The following ZFP64 variants were observed in gnomAD, a reference collection of about 807,000 sequenced individuals.
ZFP64 encodes the protein zinc finger protein 64.
A neutral mutation model predicts 51.6 loss-of-function variants in ZFP64; 14 were observed. That is an observed-to-expected ratio of 0.27 (90% CI 0.18 to 0.42). ZFP64 has a LOEUF of 0.42. Ranked by LOEUF, ZFP64 falls within the 10% of genes least tolerant of loss-of-function variation. The pLI, the probability that ZFP64 is intolerant of heterozygous loss-of-function variation, is 1.00. For missense variants in ZFP64, 754 were observed against 906.8 expected (o/e 0.83, Z 2.16); for synonymous variants, 375 against 361.4 (o/e 1.04, Z -0.43).
At chr20:52,175,845 C>T (rs6013411) in intron 2 of ZFP64, 2,805 of 159,464 alleles carry the variant, frequency 0.018, 88 homozygotes, top group African/African-American at 0.064. Flanking sequence ...CGTTCCCTTC[C>T]CCCCGCACCC....
At chr20:52,182,883 G>A (rs1175382888) in intron 2 of ZFP64, among the ~76,000 whole-genome samples, 1 of 152,112 alleles carries the variant, frequency 6.6e-6, no homozygotes, top group African/African-American at 2.4e-5. Flanking sequence ...AACAGGAGAG[G>A]GGCTTACAGG....
At chr20:52,117,499 A>G (rs1978938067) in intron 5 of ZFP64, among the ~76,000 whole-genome samples, 1 of 152,016 alleles carries the variant, frequency 6.6e-6, no homozygotes, top group Admixed American at 6.6e-5. Flanking sequence ...GGCACCTGTA[A>G]TCCCAGCTAC....
chr20:52,108,476 C>T (rs1600714750), intron 5 of ZFP64, among the ~76,000 whole-genome samples: 1 of 151,402 alleles, frequency 6.6e-6, no homozygotes, highest in South Asian at 2.1e-4. Flanking sequence ...AACATCCAAT[C>T]AGAGTTCTAG....
chr20:52,091,288 G>A (rs570811651), intron 7 of ZFP64, among the ~76,000 whole-genome samples: 10 of 144,132 alleles, frequency 6.9e-5, no homozygotes, highest in African/African-American at 1.8e-4. Flanking sequence ...GCTTGAGGCC[G>A]GAAGGTTGAG....
intron 5 of ZFP64, among the ~76,000 whole-genome samples, chr20:52,129,584 G>T (rs996919886): frequency 3.9e-5 from 6 of 151,944 alleles, no homozygotes; most frequent in African/African-American, 1.2e-4. Context: ...TCACTCCTCC[G>T]TTCTTTGTCT....
chr20:52,134,203 T>TA (rs5841879), intron 5 of ZFP64, among the ~76,000 whole-genome samples: 127 of 151,912 alleles, frequency 8.4e-4, no homozygotes, highest in East Asian at 1.5e-3. Context: ...TTACATTTTT[T>TA]AAAAAAAATA....
chr20:52,087,057 T>TACCC (rs2078872577), intron 8 of ZFP64, among the ~76,000 whole-genome samples: 1 of 152,178 alleles, frequency 6.6e-6, no homozygotes, highest in Non-Finnish European at 1.5e-5. Context: ...TGGCTGGGTA[T>TACCC]AGAATTCTAA....
chr20:52,086,359 C>T (rs1462552565), intron 8 of ZFP64, among the ~76,000 whole-genome samples: 1 of 152,058 alleles, frequency 6.6e-6, no homozygotes, highest in African/African-American at 2.4e-5. Flanking sequence ...TCTTTTCTTA[C>T]GTGTTGCTCA....
rs2078851502 is a variant in ZFP64, at chr20:52,085,178, C to T, written c.1317G>A (p.Glu439=). 3.1e-6 allele frequency: 5 copies of T among 1,614,126 alleles called. No homozygotes were observed. Among genetic ancestry groups the T allele is most frequent in the Non-Finnish European group, 3.4e-6 (4 of 1,180,054 alleles). The change falls in exon 9 of 9, where the codon GAG becomes GAA. Residue 439 remains glutamate, a synonymous_variant. Coordinates refer to the ZFP64 transcript ENST00000361387. This position sits in a 1 kb window ranked among gnomAD's most constrained non-coding sequence, Gnocchi z 4.3. ...CGCAGAACTCGCACTTGAAAGGCTT[C>T]TCCCCCGAGTGCACGATCATGTGCC...
Position 52,114,258 on chromosome 20 carries a change from C to T in ZFP64, c.764-15671G>A, listed in dbSNP as rs915223168. 8.5e-5 allele frequency among the ~76,000 whole-genome samples: 13 copies of T among 152,342 alleles called. 2 individuals are homozygous for T. Among genetic ancestry groups the T allele is most frequent in the Admixed American group, 6.5e-5 (1 of 15,298 alleles). ...AGATTAAACACACACACATGCTGAGCGTGAGCCAGCTATTCCATGCCTATG... is the reference window on the plus strand; with the variant it reads ...AGATTAAACACACACACATGCTGAGTGTGAGCCAGCTATTCCATGCCTATG... On this transcript the variant is annotated intron_variant, in intron 5 of 8. Coordinates refer to the ZFP64 transcript ENST00000361387.
At chr20:52,110,612 AGG>A (rs1246142340) in intron 5 of ZFP64, 2 of 859,022 alleles carry the variant, frequency 2.3e-6, no homozygotes, top group African/African-American at 3.4e-5. Flanking sequence ...TCCACGCCAG[AGG>A]CCCTGATGAA....
At chr20:52,099,409 C>T (rs79182170) in intron 5 of ZFP64, among the ~76,000 whole-genome samples, 1 of 151,882 alleles carries the variant, frequency 6.6e-6, no homozygotes, top group Non-Finnish European at 1.5e-5. Context: ...CATCACTGAT[C>T]TCCAGGATAA....
At chr20:52,177,303 C>G (rs1485315439) in intron 2 of ZFP64, among the ~76,000 whole-genome samples, 1 of 152,170 alleles carries the variant, frequency 6.6e-6, no homozygotes, top group Non-Finnish European at 1.5e-5. Flanking sequence ...GTCCCTTTAA[C>G]GAGGCAGTGG....
At position 52,143,189 on chromosome 20, in the gene ZFP64, G is replaced by A. The variant is rs1159018660; in HGVS notation, c.763+16934C>T. On this transcript the variant is annotated intron_variant, in intron 5 of 8. Coordinates refer to the ZFP64 transcript ENST00000361387. ...AAAAATACGTGTGACTCACTTTATTGTGATATTTGCTTTATTGTGGTGGTC... is the reference window on the plus strand; with the variant it reads ...AAAAATACGTGTGACTCACTTTATTATGATATTTGCTTTATTGTGGTGGTC... Among the ~76,000 whole-genome samples, 5 of 143,234 alleles carry A rather than the reference G, an allele frequency of 3.5e-5. 2 individuals carry two copies. The Admixed American group carries it at 3.6e-4, about 10-fold the overall frequency. The allele number at this position is 143,234 out of a possible 152,430, so 94.0% of individuals were successfully genotyped here. A position where few individuals can be genotyped will look rare whatever the true frequency, so the allele number is the denominator to read the frequency against.
intron 5 of ZFP64, chr20:52,105,132 C>G: frequency 7.0e-7 from 1 of 1,421,068 alleles, no homozygotes; most frequent in East Asian, 2.8e-5. Context: ...CGCTACTCAC[C>G]CGGCTCCCCC....
At chr20:52,086,733 C>T (rs2122692743) in intron 8 of ZFP64, among the ~76,000 whole-genome samples, 1 of 152,304 alleles carries the variant, frequency 6.6e-6, no homozygotes, top group African/African-American at 2.4e-5. Flanking sequence ...CTGCCTCAGC[C>T]TCCCAAAGTG....
chr20:52,085,185 G>A lies in ZFP64; in HGVS notation c.1310C>T (p.Ser437Leu). 6.2e-7 allele frequency: 1 copy of A among 1,614,192 alleles called. No homozygotes were observed. The highest frequency in any genetic ancestry group is 2.2e-5 in the East Asian group (1 of 44,874). ...CTCGCACTTGAAAGGCTTCTCCCCC[G>A]AGTGCACGATCATGTGCCTTTTCAA... Residue 437 changes from serine (S) to leucine (L), a missense_variant, in exon 9 of 9, where the codon TCG becomes TTG. Transcript: ENST00000361387. This position sits in a 1 kb window ranked among gnomAD's most constrained non-coding sequence, Gnocchi z 4.3.
At chr20:52,181,905 G>T (rs1189777768) in intron 2 of ZFP64, among the ~76,000 whole-genome samples, 1 of 152,222 alleles carries the variant, frequency 6.6e-6, no homozygotes, top group African/African-American at 2.4e-5. Context: ...GTGTAAAAAA[G>T]AAAAGAAAGC....
chr20:52,119,831 T>C (rs1238710596), intron 5 of ZFP64, among the ~76,000 whole-genome samples: 1 of 151,934 alleles, frequency 6.6e-6, no homozygotes, highest in African/African-American at 2.4e-5. Context: ...TTAGTCTGAC[T>C]AGAGGTGCAG....
Sources: gnomAD v4.1 joint callset for allele counts (sites outside exome capture counted in the v4.1 genomes callset) on GRCh38, gnomAD v4.1.1 for gene constraint, Gnocchi (gnomAD v3.1) non-coding constraint, MANE v1.5 for transcripts, NCBI Gene and HGNC (gene_info 2026-07-23, HGNC 2026-07-21) for gene names.